The following MAML2 variants were observed in gnomAD, a reference collection of about 807,000 sequenced individuals.
MAML2 encodes mastermind-like protein 2.
Under a neutral mutation model 96.1 loss-of-function variants are expected in MAML2, and 22 were observed. The ratio of observed to expected loss-of-function variants is 0.23; its 90% CI spans 0.16 to 0.33. The LOEUF (loss-of-function observed/expected upper bound fraction) is 0.33, where lower values mean the gene tolerates loss of function less well. MAML2 is among the 10% of genes least tolerant of loss of function. MAML2 has a pLI of 1.00. For missense variants in MAML2, 1,367 were observed against 1,392.4 expected, an observed-to-expected ratio of 0.98 and a Z score of 0.29; for synonymous variants, 561 against 521.3, an observed-to-expected ratio of 1.08 and a Z score of -1.04.
chr11:96,329,972 T>C (rs1394294038), intron 1 of MAML2, among the ~76,000 whole-genome samples: 1 of 152,260 alleles, frequency 6.6e-6, no homozygotes, highest in Admixed American at 6.5e-5. Context: ...ATATATTTGC[T>C]ATGCTGTTTG....
In MAML2 at chr11:96,037,032, T is replaced by A. The variant is rs367687436; in HGVS notation, c.2140-45309A>T. Among the ~76,000 whole-genome samples the A allele has an allele frequency of 3.6e-3, 549 of 152,260 alleles. 4 individuals are homozygous for A. The highest frequency in any genetic ancestry group is 0.017 in the South Asian group (82 of 4,818). On this transcript the variant is annotated intron_variant, in intron 2 of 4. Transcript: ENST00000524717. ...TCGGAGTCTGAGAATACCGCCTAGGTTGTTCCTGCACTGCCGTCGGGAGCC... is the reference window on the plus strand; with the variant it reads ...TCGGAGTCTGAGAATACCGCCTAGGATGTTCCTGCACTGCCGTCGGGAGCC...
intron 1 of MAML2, among the ~76,000 whole-genome samples, chr11:96,097,039 C>G (rs1391782034): frequency 6.6e-6 from 1 of 152,134 alleles, no homozygotes; most frequent in East Asian, 1.9e-4. Flanking sequence ...TGCCTACATG[C>G]AGTAGGCACC....
intron 1 of MAML2, among the ~76,000 whole-genome samples, chr11:96,240,164 C>A (rs370129332): frequency 1.2e-4 from 18 of 152,270 alleles, no homozygotes; most frequent in African/African-American, 3.9e-4. Flanking sequence ...TTAAAATAAA[C>A]CATTTCAAAA....
At chr11:96,310,580 ACATGTAAGCCCTTTCTT>A (rs1863527946) in intron 1 of MAML2, among the ~76,000 whole-genome samples, 1 of 152,236 alleles carries the variant, frequency 6.6e-6, no homozygotes, top group Non-Finnish European at 1.5e-5. Flanking sequence ...AAAGCAAGAA[ACATGTAAGCCCTTTCTT>A]CCTAGTCCTT....
chr11:96,089,267 C>G (rs554662661), intron 2 of MAML2, among the ~76,000 whole-genome samples: 10 of 152,136 alleles, frequency 6.6e-5, no homozygotes, highest in Non-Finnish European at 1.2e-4. Context: ...TGCCAACACA[C>G]TGGATGAGAC....
At chr11:95,983,849 C>T (rs1299116425) in intron 4 of MAML2, among the ~76,000 whole-genome samples, 1 of 151,648 alleles carries the variant, frequency 6.6e-6, no homozygotes, top group Non-Finnish European at 1.5e-5. Context: ...AGTTGTAAAG[C>T]AAAGCAAAAA....
intron 1 of MAML2, among the ~76,000 whole-genome samples, chr11:96,171,195 G>A (rs974524386): frequency 6.6e-6 from 1 of 152,150 alleles, no homozygotes; most frequent in African/African-American, 2.4e-5. Context: ...GGAGGGAAGA[G>A]TGAACTGGGC....
At chr11:96,299,058 A>G (rs867309254) in intron 1 of MAML2, among the ~76,000 whole-genome samples, 1 of 58,022 alleles carries the variant, frequency 1.7e-5, no homozygotes, top group Non-Finnish European at 3.0e-5. Context: ...AAAAAAAAAA[A>G]AAATATATAT....
chr11:96,028,317 C>G (rs566542297), intron 2 of MAML2, among the ~76,000 whole-genome samples: 1 of 152,358 alleles, frequency 6.6e-6, no homozygotes, highest in East Asian at 1.9e-4. Flanking sequence ...CTCTTATAAG[C>G]ATTTTACCAC....
chr11:96,333,699 C>T (rs1056108009), intron 1 of MAML2, among the ~76,000 whole-genome samples: 1 of 152,196 alleles, frequency 6.6e-6, no homozygotes, highest in African/African-American at 2.4e-5. Context: ...TCTGCAGATG[C>T]AGTAAATTAG....
At chr11:96,275,037 A>G (rs868788336) in intron 1 of MAML2, among the ~76,000 whole-genome samples, 5 of 152,206 alleles carry the variant, frequency 3.3e-5, no homozygotes, top group East Asian at 1.9e-4. Context: ...TTGTATCTCA[A>G]TTTTAATGGC....
intron 2 of MAML2, among the ~76,000 whole-genome samples, chr11:96,013,841 C>G (rs1027682985): frequency 1.3e-4 from 20 of 152,210 alleles, no homozygotes; most frequent in African/African-American, 4.8e-4. Flanking sequence ...ACTTTGCATT[C>G]TTTCTTCAAG....
At chr11:96,152,820 G>C (rs1475026861) in intron 1 of MAML2, among the ~76,000 whole-genome samples, 3 of 152,136 alleles carry the variant, frequency 2.0e-5, no homozygotes, top group African/African-American at 7.2e-5. Flanking sequence ...CAAACATGTC[G>C]GGGCATTCTA....
intron 2 of MAML2, among the ~76,000 whole-genome samples, chr11:96,054,463 T>G (rs367708903): frequency 6.6e-6 from 1 of 152,170 alleles, no homozygotes; most frequent in African/African-American, 2.4e-5. Context: ...ATAAACAATT[T>G]CTAAGGGAGG....
intron 1 of MAML2, among the ~76,000 whole-genome samples, chr11:96,277,494 T>C (rs968636663): frequency 1.3e-5 from 2 of 152,086 alleles, no homozygotes; most frequent in African/African-American, 4.8e-5. Context: ...CTCACGCCTG[T>C]AATCCCAGCT....
intron 2 of MAML2, among the ~76,000 whole-genome samples, chr11:96,002,946 G>A (rs1264339928): frequency 6.9e-6 from 1 of 145,022 alleles, no homozygotes; most frequent in African/African-American, 2.5e-5. Context: ...GGGATGATAA[G>A]AAGGATGATG....
chr11:96,033,705 C>A (rs1858654531), intron 2 of MAML2, among the ~76,000 whole-genome samples: 1 of 152,028 alleles, frequency 6.6e-6, no homozygotes, highest in East Asian at 1.9e-4. Flanking sequence ...GAGAGTGTAC[C>A]CTGGGTCGCG....
intron 1 of MAML2, among the ~76,000 whole-genome samples, chr11:96,135,793 G>A (rs1247293400): frequency 2.6e-5 from 4 of 151,304 alleles, no homozygotes; most frequent in Non-Finnish European, 4.4e-5. Flanking sequence ...AACCTGGGAG[G>A]TGGAGGTTGC....
chr11:96,051,431 A>T (rs985030233), intron 2 of MAML2, among the ~76,000 whole-genome samples: 1 of 152,172 alleles, frequency 6.6e-6, no homozygotes, highest in African/African-American at 2.4e-5. Flanking sequence ...TCTGTGAAGT[A>T]TGTATTATTC....
Sources: allele counts gnomAD v4.1 joint callset (sites outside exome capture counted in the v4.1 genomes callset), GRCh38; gene constraint gnomAD v4.1.1; transcripts MANE v1.5; gene names NCBI Gene and HGNC (gene_info 2026-07-23, HGNC 2026-07-21).